Variants in S100A13 observed in about 807,000 individuals in gnomAD.
S100A13 encodes S100 calcium binding protein A13.
S100A13 carries 6 observed loss-of-function variants against 8.2 expected under a neutral mutation model. That is an observed-to-expected ratio of 0.73 (90% CI 0.40 to 1.44). S100A13 has a LOEUF of 1.44. Ranked by LOEUF, S100A13 falls within the 40% of genes most tolerant of loss-of-function variation. S100A13 has a pLI of 0.02. For synonymous variants in S100A13, 39 were observed against 45.9 expected (o/e 0.85, Z 0.61); for missense variants, 114 against 113.6 (o/e 1.00, Z -0.02).
chr1:153,626,853 G>T (rs1571293338), intron 1 of S100A13: 1 of 168,438 alleles, frequency 5.9e-6, no homozygotes, highest in Admixed American at 5.8e-5. Flanking sequence ...TTGAGAGGAG[G>T]TCTTCAGTTG....
intron 2 of S100A13, among the ~76,000 whole-genome samples, chr1:153,621,399 C>T (rs1667237392): frequency 6.6e-6 from 1 of 151,848 alleles, no homozygotes; most frequent in African/African-American, 2.4e-5. Context: ...TCAGGTGATC[C>T]ACCCACCTCA....
upstream of S100A13, chr1:153,631,620 C>T: frequency 6.8e-6 from 11 of 1,613,664 alleles, no homozygotes; most frequent in Non-Finnish European, 9.3e-6. Flanking sequence ...GCCTCCTGCT[C>T]CTCAACCACC....
At chr1:153,628,378 G>C (rs2101620882), upstream of S100A13, 1 of 1,546,076 alleles carries the variant, frequency 6.5e-7, no homozygotes, top group South Asian at 1.2e-5. Flanking sequence ...TGGAGTCGGT[G>C]GGGGGGTCAG....
At chr1:153,620,381 A>G in intron 2 of S100A13, among the ~76,000 whole-genome samples, 1 of 149,720 alleles carries the variant, frequency 6.7e-6, no homozygotes, top group South Asian at 2.2e-4. Flanking sequence ...GAATCGCTTG[A>G]GTGTGGGAGG....
Position 153,626,410 on chromosome 1 carries a change from G to A in S100A13, c.63C>T (p.Phe21=). The change falls in exon 2 of 3, where the codon TTC becomes TTT. Residue 21 remains phenylalanine, a synonymous_variant. Transcript: ENST00000476133. ...ESIETVVTTF[F]TFARQEGRKD... is the part of the protein sequence containing the mutation. ...TCCGGCCCTCCTGCCTTGCAAAGGT[G>A]AAGAAGGTGGTGACCACGGTCTCAA... The A allele has an allele frequency of 1.9e-6, 3 of 1,614,204 alleles. No individual in the cohort carries two copies. Among genetic ancestry groups the A allele is most frequent in the South Asian group, 2.2e-5 (2 of 91,080 alleles).
upstream of S100A13, chr1:153,631,325 G>T: frequency 1.2e-6 from 1 of 826,300 alleles, no homozygotes; most frequent in Non-Finnish European, 1.9e-6. Flanking sequence ...GTGGGACTTT[G>T]GGCATATTTA....
chr1:153,625,504 G>A lies in S100A13; in HGVS notation c.153+816C>T, dbSNP rs371581957. Among the ~76,000 whole-genome samples the A allele has an allele frequency of 6.4e-4, 98 of 152,342 alleles. 1 individual carries two copies. The highest frequency in any genetic ancestry group is 2.3e-3 in the African/African-American group (97 of 41,576). On this transcript the variant is annotated intron_variant, in intron 2 of 2. Coordinates refer to ENST00000476133, the MANE Select transcript of S100A13 (RefSeq NM_001024211.2). ...GTAAGGGGATGCCCATAGCGGGTAG[G>A]GAGTCTTCACAGATGCACCCACAGA...
chr1:153,627,717 GAT>G, upstream of S100A13: 1 of 228,656 alleles, frequency 4.4e-6, no homozygotes, highest in Non-Finnish European at 8.7e-6. Context: ...TGCCTGGACA[GAT>G]CTCGTTCGGC....
At chr1:153,622,223 A>T (rs921076438) in intron 2 of S100A13, among the ~76,000 whole-genome samples, 1 of 152,128 alleles carries the variant, frequency 6.6e-6, no homozygotes, top group African/African-American at 2.4e-5. Flanking sequence ...TACAAAAATT[A>T]GCCAGGCGTG....
At chr1:153,628,323 C>A, upstream of S100A13, 2 of 1,519,452 alleles carry the variant, frequency 1.3e-6, no homozygotes, top group Non-Finnish European at 1.8e-6. Context: ...GCGCCTCTGT[C>A]TGCTCCTGGC....
chr1:153,625,141 G>A (rs1667528222), intron 2 of S100A13, among the ~76,000 whole-genome samples: 1 of 152,184 alleles, frequency 6.6e-6, no homozygotes, highest in Non-Finnish European at 1.5e-5. Context: ...GTGAGGCTGG[G>A]GCAGGAGGAT....
upstream of S100A13, chr1:153,630,314 A>G: frequency 3.2e-6 from 2 of 630,254 alleles, no homozygotes; most frequent in Non-Finnish European, 5.3e-6. Flanking sequence ...AGGGACACAG[A>G]GAACAGGCCT....
chr1:153,630,630 C>T (rs1471826219), upstream of S100A13: 2 of 1,614,108 alleles, frequency 1.2e-6, no homozygotes, highest in Admixed American at 1.7e-5. Flanking sequence ...GCTGAAAGAG[C>T]TGCTGCAGAC....
chr1:153,621,681 C>CAAAA (rs538835772), intron 2 of S100A13, among the ~76,000 whole-genome samples: 7 of 142,352 alleles, frequency 4.9e-5, no homozygotes, highest in East Asian at 2.1e-4. Context: ...TGCTGCTGCT[C>CAAAA]AAAAAAAAAA....
intron 2 of S100A13, among the ~76,000 whole-genome samples, chr1:153,624,242 A>G (rs1385482131): frequency 6.6e-6 from 1 of 152,222 alleles, no homozygotes; most frequent in Non-Finnish European, 1.5e-5. Flanking sequence ...TGGGATGCTG[A>G]GATGTAAGAA....
At chr1:153,631,989 G>C, upstream of S100A13, 1 of 798,336 alleles carries the variant, frequency 1.3e-6, no homozygotes, top group African/African-American at 1.9e-5. Context: ...CAAGAGTAGC[G>C]GTCCAAGCCT....
At chr1:153,631,817 C>G (rs1046256), upstream of S100A13, 447 of 1,614,106 alleles carry the variant, frequency 2.8e-4, 4 homozygotes, top group East Asian at 8.2e-3. Flanking sequence ...TGGCCTGTAA[C>G]AATTTCTTCT....
upstream of S100A13, among the ~76,000 whole-genome samples, chr1:153,633,404 A>C (rs890121763): frequency 2.0e-5 from 3 of 152,162 alleles, no homozygotes; most frequent in Non-Finnish European, 2.9e-5. Context: ...GTAGGTCTGC[A>C]ACAAAATAAA....
At chr1:153,631,135 AAAG>A (rs1230372352), upstream of S100A13, 2 of 314,900 alleles carry the variant, frequency 6.4e-6, no homozygotes, top group East Asian at 1.2e-4. Flanking sequence ...AGCATGGGAG[AAAG>A]AAGAATGTGG....
Sources: allele counts gnomAD v4.1 joint callset (sites outside exome capture counted in the v4.1 genomes callset), GRCh38; gene constraint gnomAD v4.1.1; transcripts MANE v1.5; gene names NCBI Gene and HGNC (gene_info 2026-07-23, HGNC 2026-07-21).